COPS5: variants seen among roughly 807,000 people sequenced by gnomAD.
COPS5 encodes the protein COP9 signalosome subunit 5, also known as COP9 signalosome complex subunit 5.
COPS5 carries 8 observed loss-of-function variants against 44.4 expected under a neutral mutation model. That is an observed-to-expected ratio of 0.18 (90% confidence interval 0.11 to 0.32). The LOEUF (loss-of-function observed/expected upper bound fraction) is 0.32. COPS5 is among the 10% of genes least tolerant of loss of function. The pLI, the probability that COPS5 is intolerant of heterozygous loss-of-function variation, is 1.00. For synonymous variants in COPS5, 122 were observed against 142.8 expected, an observed-to-expected ratio of 0.85 and a Z score of 1.04; for missense variants, 159 against 406.4, an observed-to-expected ratio of 0.39 and a Z score of 5.23.
chr8:67,052,560 G>C (rs1023973596), intron 5 of COPS5, among the ~76,000 whole-genome samples: 12 of 151,332 alleles, frequency 7.9e-5, no homozygotes, highest in African/African-American at 2.2e-4. Context: ...TGGGACTACA[G>C]GCTCCCTCCA....
intron 5 of COPS5, among the ~76,000 whole-genome samples, chr8:67,053,851 A>G (rs924898716): frequency 1.0e-4 from 15 of 149,520 alleles, no homozygotes; most frequent in Admixed American, 6.0e-4. Context: ...CTAAAAATAC[A>G]AAAAATTAGT....
chr8:67,061,254 C>T (rs1403508385), intron 1 of COPS5: 9 of 313,168 alleles, frequency 2.9e-5, no homozygotes, highest in Admixed American at 2.2e-4. Context: ...TTTTAGAGAC[C>T]AGGTAGTAGA....
chr8:67,053,236 C>T (rs1171172351), intron 5 of COPS5, among the ~76,000 whole-genome samples: 1 of 151,542 alleles, frequency 6.6e-6, no homozygotes, highest in Non-Finnish European at 1.5e-5. Flanking sequence ...ATTACAGGCG[C>T]CCACCACCAT....
At position 67,043,214 on chromosome 8, in the gene COPS5, A is replaced by T; in HGVS notation, c.*19T>A. 7.3e-7 allele frequency: 1 copy of T among 1,368,404 alleles called. No individual in the cohort carries two copies. Among genetic ancestry groups the T allele is most frequent in the South Asian group, 1.2e-5 (1 of 81,074 alleles). 84.8% of individuals were successfully genotyped at this position (1,368,404 alleles called of 1,614,324 possible). A position where few individuals can be genotyped will look rare whatever the true frequency, so the allele number is the denominator to read the frequency against. ...TTTTCTCATACTGTCTTTCAGGTAA[A>T]GTACTTCTCAGAGACTGTTTAAGAG... On this transcript the variant is annotated 3_prime_UTR_variant, in exon 8 of 8. Transcript: ENST00000357849.
chr8:67,051,338 A>G lies in COPS5; in HGVS notation c.663T>C (p.Tyr221=), dbSNP rs1804409618. The change falls in exon 6 of 8, where the codon TAT becomes TAC. Residue 221 remains tyrosine, a synonymous_variant. Transcript: ENST00000357849. Reference sequence around the variant, plus strand: ...TGAAATATGAGACTTCTAAGGCATAATATCTATGAAATAAAAGCATAAAAT... The same window carrying G: ...TGAAATATGAGACTTCTAAGGCATAGTATCTATGAAATAAAAGCATAAAAT... ...IEDFGVHCKQ[Y]YALEVSYFKS... is the part of the protein sequence containing the mutation. 9 of 1,568,972 alleles carry G rather than the reference A, an allele frequency of 5.7e-6. No individual in the cohort carries two copies. The highest frequency in any genetic ancestry group is 7.8e-6 in the Non-Finnish European group (9 of 1,148,092).
chr8:67,045,633 A>C, intron 7 of COPS5, 179 bp downstream of exon 7: 1 of 628,778 alleles, frequency 1.6e-6, no homozygotes, highest in South Asian at 2.1e-5. Flanking sequence ...AGGTATCCTA[A>C]ATTTTCAAAG....
rs143489597 is a variant in COPS5, at chr8:67,052,043, C to G, written c.660-702G>C. ...TGGGGGATGTGGTCTAAACCCACAT[C>G]AAAATTAAATATAATGATATACATT... is the stretch of plus-strand genomic sequence containing the variant. On this transcript the variant is annotated intron_variant, in intron 5 of 7. Transcript: ENST00000357849. Among the ~76,000 whole-genome samples the G allele has an allele frequency of 2.6e-3, 402 of 152,098 alleles. 6 individuals carry two copies. Among genetic ancestry groups the G allele is most frequent in the African/African-American group, 9.3e-3 (384 of 41,470 alleles).
intron 6 of COPS5, among the ~76,000 whole-genome samples, chr8:67,047,283 T>A (rs1293122076): frequency 6.6e-6 from 1 of 152,234 alleles, no homozygotes; most frequent in Non-Finnish European, 1.5e-5. Flanking sequence ...TTTAAAATGC[T>A]ACCAGTTCTT....
chr8:67,050,604 TGAGTGTGA>T (rs1234318794), intron 6 of COPS5, among the ~76,000 whole-genome samples: 5 of 137,348 alleles, frequency 3.6e-5, no homozygotes, highest in Admixed American at 1.4e-4. Flanking sequence ...TGGAAATATG[TGAGTGTGA>T]GAGTGTGTGT....
At chr8:67,054,003 T>A (rs375564967) in intron 5 of COPS5, among the ~76,000 whole-genome samples, 3 of 146,998 alleles carry the variant, frequency 2.0e-5, no homozygotes, top group South Asian at 4.3e-4. Flanking sequence ...AAGACTCCAT[T>A]TAAAAAAAAA....
intron 2 of COPS5, among the ~76,000 whole-genome samples, chr8:67,058,876 C>T (rs917274474): frequency 1.6e-4 from 24 of 151,642 alleles, no homozygotes; most frequent in African/African-American, 4.6e-4. Context: ...TACTGGTGCA[C>T]GCCTGTAGTC....
Position 67,043,239 on chromosome 8 carries a change from G to C in COPS5, c.999C>G (p.Ile333Met), listed in dbSNP as rs541187848. The change falls in exon 8 of 8, where the codon ATC becomes ATG. Residue 333 changes from isoleucine to methionine, a missense_variant. Ile to Met is a conservative substitution (Grantham distance 10, BLOSUM62 1). Transcript: ENST00000357849. ...IKDKLFNQINIS is the reference protein window; with the variant it reads ...IKDKLFNQINMS ...AGTACTTCTCAGAGACTGTTTAAGA[G>C]ATGTTAATTTGATTAAACAGTTTAT... The C allele has an allele frequency of 6.6e-7, 1 of 1,525,948 alleles. No homozygotes were observed. The highest frequency in any genetic ancestry group is 1.4e-5 in the African/African-American group (1 of 73,172). The allele number at this position is 1,525,948 out of a possible 1,614,324, so 94.5% of individuals were successfully genotyped here. A position where few individuals can be genotyped will look rare whatever the true frequency, so the allele number is the denominator to read the frequency against.
intron 5 of COPS5, among the ~76,000 whole-genome samples, chr8:67,054,831 T>A (rs1409913706): frequency 6.6e-6 from 1 of 152,174 alleles, no homozygotes; most frequent in Non-Finnish European, 1.5e-5. Flanking sequence ...GCATGCCCTG[T>A]TTTAAATCCA....
intron 6 of COPS5, among the ~76,000 whole-genome samples, chr8:67,048,498 C>T (rs1320550873): frequency 2.0e-5 from 3 of 150,626 alleles, no homozygotes; most frequent in South Asian, 2.1e-4. Flanking sequence ...GGGTGGATCA[C>T]GAGGTCAGGA....
chr8:67,046,058 C>A, intron 6 of COPS5, 98 bp from the exon 7 acceptor site: 1 of 1,209,022 alleles, frequency 8.3e-7, no homozygotes, highest in South Asian at 1.5e-5. Flanking sequence ...AAGAATATTT[C>A]ATTTGCAAAG....
At chr8:67,047,914 G>A in intron 6 of COPS5, 1 of 702,456 alleles carries the variant, frequency 1.4e-6, no homozygotes, top group South Asian at 1.5e-5. Flanking sequence ...TAGGAAGCAT[G>A]TAACACATAT....
intron 1 of COPS5, 193 bp from the exon 2 acceptor site, chr8:67,059,638 G>A (rs190064907): frequency 4.8e-4 from 278 of 575,484 alleles, no homozygotes; most frequent in African/African-American, 3.9e-3. Flanking sequence ...GTGCAGCAAC[G>A]TATCCCCCTT....
rs1585717256 is a variant in COPS5, at chr8:67,059,950, A to G, written c.144-505T>C. 5 of 167,418 alleles carry G rather than the reference A, an allele frequency of 3.0e-5. No homozygotes were observed. In the South Asian group the frequency reaches 6.1e-4, roughly 21 times the overall value. 10.4% of individuals were successfully genotyped at this position (167,418 alleles called of 1,614,324 possible). A position where few individuals can be genotyped will look rare whatever the true frequency, so the allele number is the denominator to read the frequency against. On this transcript the variant is annotated intron_variant, in intron 1 of 7. Transcript: ENST00000357849. The stretch of plus-strand genomic sequence containing the variant: ...TCCTTTTCTGTAAATAGGGATATTC[A>G]TAATTGTTGTTAGGATGAAATAAAT...
intron 6 of COPS5, among the ~76,000 whole-genome samples, chr8:67,047,008 G>A (rs1264659786): frequency 6.6e-6 from 1 of 151,904 alleles, no homozygotes; most frequent in African/African-American, 2.4e-5. Context: ...CTACATTTGA[G>A]AAACTATAAT....
Sources: allele counts gnomAD v4.1 joint callset (sites outside exome capture counted in the v4.1 genomes callset), GRCh38; gene constraint gnomAD v4.1.1; transcripts MANE v1.5; gene names NCBI Gene and HGNC (gene_info 2026-07-23, HGNC 2026-07-21).